The following CAAP1 variants were observed in gnomAD, a reference collection of about 807,000 sequenced individuals.
CAAP1 encodes the protein conserved anti-apoptotic protein.
Under a neutral mutation model 34.0 loss-of-function variants are expected in CAAP1, and 20 were observed. The observed-to-expected ratio is 0.59, with a 90% CI of 0.41 to 0.86. The LOEUF (loss-of-function observed/expected upper bound fraction) is 0.86, where lower values mean the gene tolerates loss of function less well. CAAP1 is among the 40% of genes least tolerant of loss of function. The pLI, the probability that CAAP1 is intolerant of heterozygous loss-of-function variation, is 0.00. For missense variants in CAAP1, 538 were observed against 450.5 expected (o/e 1.19, Z -1.76); for synonymous variants, 213 against 166.7 (o/e 1.28, Z -2.14).
In CAAP1 at chr9:26,841,294, A is replaced by G. The variant is rs1822473660; in HGVS notation, c.*1007T>C. 1.3e-5 allele frequency: 2 copies of G among 152,592 alleles called. No homozygotes were observed. Among genetic ancestry groups the G allele is most frequent in the African/African-American group, 4.8e-5 (2 of 41,450 alleles). 9.5% of individuals were successfully genotyped at this position (152,592 alleles called of 1,614,324 possible). ...AATTTATTTTAAGTTAAGGATCTCT[A>G]CGTAAATTTATTTTGGTATCAAACA... On this transcript the variant is annotated 3_prime_UTR_variant, in exon 6 of 6. Transcript: ENST00000333916.
chr9:26,879,599 G>C (rs1823533951), intron 4 of CAAP1, among the ~76,000 whole-genome samples: 1 of 152,198 alleles, frequency 6.6e-6, no homozygotes, highest in South Asian at 2.1e-4. Flanking sequence ...CAGTGGACTG[G>C]GAGAGGCAGA....
At chr9:26,861,172 C>G in intron 4 of CAAP1, 33 bp from the exon 5 acceptor site, 1 of 1,477,746 alleles carries the variant, frequency 6.8e-7, no homozygotes. Flanking sequence ...ACCTTTAAAA[C>G]TATATTTAAT....
chr9:26,884,432 A>T (rs1823677040), intron 4 of CAAP1, among the ~76,000 whole-genome samples: 2 of 152,176 alleles, frequency 1.3e-5, no homozygotes, highest in Admixed American at 1.3e-4. Flanking sequence ...AAATACATAG[A>T]TTATTGTAAT....
At chr9:26,858,291 G>A (rs1315671569) in intron 5 of CAAP1, among the ~76,000 whole-genome samples, 2 of 152,136 alleles carry the variant, frequency 1.3e-5, no homozygotes, top group African/African-American at 4.8e-5. Flanking sequence ...TTAGAAAACA[G>A]GGAATAATCT....
At chr9:26,883,755 TTAGA>T (rs1218294935) in intron 4 of CAAP1, among the ~76,000 whole-genome samples, 2 of 152,166 alleles carry the variant, frequency 1.3e-5, no homozygotes, top group Non-Finnish European at 2.9e-5. Context: ...AGTGATTAAT[TTAGA>T]TAATTTAAGA....
At chr9:26,863,408 G>A (rs990376729) in intron 4 of CAAP1, among the ~76,000 whole-genome samples, 5 of 152,162 alleles carry the variant, frequency 3.3e-5, no homozygotes, top group Non-Finnish European at 7.4e-5. Context: ...TTTACAAGAT[G>A]TACTTTATGA....
chr9:26,877,713 A>C (rs1823477405), intron 4 of CAAP1, among the ~76,000 whole-genome samples: 1 of 152,146 alleles, frequency 6.6e-6, no homozygotes, highest in South Asian at 2.1e-4. Flanking sequence ...AATAAAAAAA[A>C]ATCTGCTTCC....
rs749625817 is a variant in CAAP1 at position 26,887,439 on chromosome 9, T to C, written c.378A>G (p.Gly126=). Residue 126 remains glycine (G), a synonymous_variant, in exon 2 of 6, where the codon GGA becomes GGG. Coordinates refer to ENST00000333916, the MANE Select transcript of CAAP1 (RefSeq NM_024828.4). ...LAEHSDLEEG[G]LDLTVSLKPV... ...GTTTCAATGACACAGTCAGGTCCAG[T>C]CCACCTTCTTCAAGGTCACTGTGCT... 16 of 1,613,600 alleles carry C rather than the reference T, an allele frequency of 9.9e-6. No individual in the cohort carries two copies. Among genetic ancestry groups the C allele is most frequent in the East Asian group, 8.9e-5 (4 of 44,884 alleles).
chr9:26,859,091 T>C (rs1822945883), intron 5 of CAAP1, among the ~76,000 whole-genome samples: 1 of 152,142 alleles, frequency 6.6e-6, no homozygotes, highest in Non-Finnish European at 1.5e-5. Context: ...ACAATGGTAC[T>C]GCTACACTTT....
chr9:26,884,153 T>A (rs1226607531), intron 4 of CAAP1, among the ~76,000 whole-genome samples: 1 of 152,222 alleles, frequency 6.6e-6, no homozygotes, highest in Non-Finnish European at 1.5e-5. Context: ...GAACAAGTCA[T>A]TATTTGGAAA....
At chr9:26,881,108 A>T (rs118139579) in intron 4 of CAAP1, among the ~76,000 whole-genome samples, 1 of 152,088 alleles carries the variant, frequency 6.6e-6, no homozygotes, top group Non-Finnish European at 1.5e-5. Flanking sequence ...CACAAATTCA[A>T]CATCAACCTG....
At chr9:26,878,990 T>C (rs2131332758) in intron 4 of CAAP1, among the ~76,000 whole-genome samples, 1 of 152,306 alleles carries the variant, frequency 6.6e-6, no homozygotes, top group African/African-American at 2.4e-5. Context: ...ACTACATGCT[T>C]ATTAGTCAAA....
intron 5 of CAAP1, among the ~76,000 whole-genome samples, chr9:26,860,770 G>A (rs1587100871): frequency 6.6e-6 from 1 of 152,038 alleles, no homozygotes. Flanking sequence ...CAGCCTGGGC[G>A]ACAGGGCAAG....
intron 5 of CAAP1, among the ~76,000 whole-genome samples, chr9:26,846,832 CAT>C (rs1324001789): frequency 6.6e-6 from 1 of 152,126 alleles, no homozygotes; most frequent in Non-Finnish European, 1.5e-5. Flanking sequence ...GGATTACAGG[CAT>C]GCGCCACCAT....
intron 5 of CAAP1, among the ~76,000 whole-genome samples, chr9:26,856,631 C>T (rs950005750): frequency 2.6e-5 from 4 of 152,188 alleles, no homozygotes; most frequent in Non-Finnish European, 5.9e-5. Context: ...TGTCCAAACA[C>T]CTTCAGCATC....
rs1039682975 is a variant in CAAP1, at chr9:26,841,246, G to C, written c.*1055C>G. ...ATCAAATATAGAAACAACAGTTCCA[G>C]ATTTATGTTTTTTGAAAAAATTAAT... On this transcript the variant is annotated 3_prime_UTR_variant, in exon 6 of 6. Transcript: ENST00000333916. The C allele has an allele frequency of 6.6e-6, 1 of 152,468 alleles. No individual in the cohort carries two copies. Among genetic ancestry groups the C allele is most frequent in the Admixed American group, 6.5e-5 (1 of 15,288 alleles). The allele number at this position is 152,468 out of a possible 1,614,324, so 9.4% of individuals were successfully genotyped here. A position where few individuals can be genotyped will look rare whatever the true frequency, so the allele number is the denominator to read the frequency against.
intron 4 of CAAP1, among the ~76,000 whole-genome samples, chr9:26,861,523 T>C (rs1823001714): frequency 6.6e-6 from 1 of 152,214 alleles, no homozygotes; most frequent in South Asian, 2.1e-4. Context: ...CAAATTACTT[T>C]ATATTCATTT....
At position 26,862,415 on chromosome 9, in the gene CAAP1, C is replaced by CAA. The variant is rs201777956; in HGVS notation, c.666-1278_666-1277dup. Among the ~76,000 whole-genome samples the CAA allele has an allele frequency of 8.4e-4, 111 of 131,690 alleles. 1 individual carries two copies. The highest frequency in any genetic ancestry group is 3.9e-3 in the Middle Eastern group (1 of 258). The allele number at this position is 131,690 out of a possible 152,430, so 86.4% of individuals were successfully genotyped here. A position where few individuals can be genotyped will look rare whatever the true frequency, so the allele number is the denominator to read the frequency against. On this transcript the variant is annotated intron_variant, in intron 4 of 5. Transcript: ENST00000333916. ...TTCTAAACATACACATCTAAATTTA[C>CAA]AAAAAAAAAAAGACTTCAAAATATA...
At chr9:26,867,159 T>C (rs1490287822) in intron 4 of CAAP1, among the ~76,000 whole-genome samples, 2 of 152,094 alleles carry the variant, frequency 1.3e-5, no homozygotes, top group African/African-American at 2.4e-5. Flanking sequence ...TCCCCACATA[T>C]TCCCTGATGG....
Sources: allele counts gnomAD v4.1 joint callset (sites outside exome capture counted in the v4.1 genomes callset), GRCh38; gene constraint gnomAD v4.1.1; transcripts MANE v1.5; gene names NCBI Gene and HGNC (gene_info 2026-07-23, HGNC 2026-07-21).